Variants in HDX observed in about 807,000 individuals in gnomAD.
The protein encoded by HDX is chromosome X open reading frame 43.
Under a neutral mutation model 45.2 loss-of-function variants are expected in HDX, and 19 were observed. The ratio of observed to expected loss-of-function variants is 0.42; its 90% confidence interval spans 0.29 to 0.62. HDX has a LOEUF of 0.62. Ranked by LOEUF, HDX falls within the 20% of genes least tolerant of loss-of-function variation. The probability of loss-of-function intolerance (pLI) is 0.20; values close to 1 mark genes in which losing one functional copy is unlikely to be tolerated. For missense variants in HDX, 532 were observed against 493.9 expected (o/e 1.08, Z -0.73); for synonymous variants, 188 against 172.8 (o/e 1.09, Z -0.69).
chrX:84,436,583 C>T (rs1262604094), intron 5 of HDX, among the ~76,000 whole-genome samples: 2 of 111,358 alleles, frequency 1.8e-5, no homozygotes, highest in Non-Finnish European at 3.8e-5. Flanking sequence ...TCCTTTCACC[C>T]GTTAGTCATT....
chrX:84,496,697 C>A (rs1374377275), intron 1 of HDX, among the ~76,000 whole-genome samples: 1 of 111,901 alleles, frequency 8.9e-6, no homozygotes, highest in African/African-American at 3.2e-5. Flanking sequence ...AAGTGTCTGA[C>A]TCATTACTTT....
At chrX:84,393,052 A>G (rs2038478701) in intron 5 of HDX, among the ~76,000 whole-genome samples, 1 of 111,323 alleles carries the variant, frequency 9.0e-6, no homozygotes, top group Non-Finnish European at 1.9e-5. Context: ...TAAATATTTT[A>G]TAACATTCTA....
intron 6 of HDX, among the ~76,000 whole-genome samples, chrX:84,358,860 C>A (rs1679354406): frequency 9.0e-6 from 1 of 110,940 alleles, no homozygotes; most frequent in African/African-American, 3.3e-5. Context: ...CCAAGCCTGG[C>A]TCTTTGTCAC....
At chrX:84,351,659 C>T (rs1033538659) in intron 6 of HDX, among the ~76,000 whole-genome samples, 2 of 111,235 alleles carry the variant, frequency 1.8e-5, no homozygotes, top group African/African-American at 6.5e-5. Context: ...TTTCCAGTAT[C>T]TATTCTGGGG....
At chrX:84,326,844 G>T (rs1025033398) in intron 9 of HDX, among the ~76,000 whole-genome samples, 9 of 109,062 alleles carry the variant, frequency 8.3e-5, no homozygotes, top group Non-Finnish European at 1.5e-4. Flanking sequence ...CCTTGGAGGT[G>T]GGCAGAGGTT....
At chrX:84,475,956 T>C (rs1391185675) in intron 2 of HDX, among the ~76,000 whole-genome samples, 1 of 112,115 alleles carries the variant, frequency 8.9e-6, no homozygotes, top group African/African-American at 3.2e-5. Context: ...ACTGTGAACA[T>C]TTCTGTGCTT....
chrX:84,459,756 GT>G (rs2040196715), intron 4 of HDX, among the ~76,000 whole-genome samples: 1 of 111,272 alleles, frequency 9.0e-6, no homozygotes, highest in Non-Finnish European at 1.9e-5. Context: ...TTAAAAGTTG[GT>G]TTTTAAAAAA....
intron 5 of HDX, among the ~76,000 whole-genome samples, chrX:84,362,178 A>C (rs1199906006): frequency 9.0e-6 from 1 of 111,534 alleles, no homozygotes. Flanking sequence ...CCCTAAAATC[A>C]TATTTATGGC....
At chrX:84,418,123 G>T (rs1244790310) in intron 5 of HDX, among the ~76,000 whole-genome samples, 1 of 111,918 alleles carries the variant, frequency 8.9e-6, no homozygotes, top group African/African-American at 3.3e-5. Context: ...TTCAAAGTCA[G>T]TCCATAGGGG....
At chrX:84,468,272 T>C (rs2040390401) in intron 4 of HDX, among the ~76,000 whole-genome samples, 200 bp downstream of exon 4, 1 of 111,551 alleles carries the variant, frequency 9.0e-6, no homozygotes, top group African/African-American at 3.3e-5. Flanking sequence ...AAAATGACTA[T>C]ATTCCATGAA....
intron 2 of HDX, among the ~76,000 whole-genome samples, chrX:84,485,663 G>A (rs2040775952): frequency 8.9e-6 from 1 of 112,215 alleles, no homozygotes; most frequent in African/African-American, 3.2e-5. Flanking sequence ...CTCCCAAAGT[G>A]CTAGGATCAC....
intron 6 of HDX, 107 bp downstream of exon 6, chrX:84,361,359 T>C (rs2037618647): frequency 1.6e-6 from 1 of 643,169 alleles, no homozygotes; most frequent in Non-Finnish European, 2.4e-6. Context: ...GTGGGTTATC[T>C]TTTCACTTTA....
intron 5 of HDX, among the ~76,000 whole-genome samples, chrX:84,409,881 A>T (rs764414162): frequency 2.3e-4 from 23 of 101,841 alleles, no homozygotes; most frequent in Admixed American, 7.5e-4. Context: ...ATAATAATAA[A>T]ATTTAAAAAA....
chrX:84,406,763 T>C (rs1437621748), intron 5 of HDX, among the ~76,000 whole-genome samples: 2 of 111,174 alleles, frequency 1.8e-5, no homozygotes, highest in African/African-American at 6.5e-5. Flanking sequence ...GGATTTATTA[T>C]CTTGACTCAG....
chrX:84,390,435 C>A (rs1460334304), intron 5 of HDX, among the ~76,000 whole-genome samples: 2 of 111,562 alleles, frequency 1.8e-5, no homozygotes, highest in East Asian at 5.6e-4. Flanking sequence ...TATTTTATCA[C>A]GTTCTGAAAA....
intron 4 of HDX, 123 bp from the exon 5 acceptor site, chrX:84,440,708 G>A (rs905416495): frequency 4.4e-5 from 19 of 429,919 alleles, no homozygotes; most frequent in Non-Finnish European, 6.7e-5. Context: ...TATTCCCCAC[G>A]TATAAAATGT....
At chrX:84,446,230 A>G (rs1053503084) in intron 4 of HDX, among the ~76,000 whole-genome samples, 2 of 112,229 alleles carry the variant, frequency 1.8e-5, no homozygotes, top group African/African-American at 6.4e-5. Context: ...TGTAAATAAA[A>G]TATTATATTA....
chrX:84,413,838 C>T (rs2039041676), intron 5 of HDX, among the ~76,000 whole-genome samples: 1 of 111,286 alleles, frequency 9.0e-6, no homozygotes, highest in African/African-American at 3.3e-5. Flanking sequence ...ATTAGCAGAA[C>T]TGAAAACAAT....
intron 2 of HDX, among the ~76,000 whole-genome samples, chrX:84,486,561 G>GT (rs1477043841): frequency 9.1e-6 from 1 of 110,364 alleles, no homozygotes; most frequent in Non-Finnish European, 1.9e-5. Flanking sequence ...CTTTTCTTAG[G>GT]TTTTTTAAAT....
Sources: allele counts gnomAD v4.1 joint callset (sites outside exome capture counted in the v4.1 genomes callset), GRCh38; gene constraint gnomAD v4.1.1; transcripts MANE v1.5; gene names NCBI Gene and HGNC (gene_info 2026-07-23, HGNC 2026-07-21).